Variants in PTPRD observed in about 807,000 individuals in gnomAD.
PTPRD encodes receptor-type tyrosine-protein phosphatase delta.
Under a neutral mutation model 214.5 loss-of-function variants are expected in PTPRD, and 34 were observed. That is an observed-to-expected ratio of 0.16 (90% CI 0.12 to 0.21). PTPRD has a LOEUF of 0.21. PTPRD is among the 10% of genes least tolerant of loss of function. The pLI is 1.00. For missense variants in PTPRD, 2,545 were observed against 2,398.7 expected (o/e 1.06, Z -1.27); for synonymous variants, 1,128 against 845.7 (o/e 1.33, Z -5.79).
intron 34 of PTPRD, chr9:8,437,159 A>C: frequency 7.0e-7 from 1 of 1,429,978 alleles, no homozygotes; most frequent in Non-Finnish European, 9.4e-7. Context: ...GCTTGATAGT[A>C]AACATAAAAT....
chr9:8,536,369 T>C (rs1215122476), intron 14 of PTPRD, among the ~76,000 whole-genome samples: 4 of 151,796 alleles, frequency 2.6e-5, no homozygotes, highest in South Asian at 4.2e-4. Flanking sequence ...ACTTTAAAAA[T>C]AGATCTACAT....
In PTPRD at chr9:10,238,031, C is replaced by CT. The variant is rs869253063; in HGVS notation, c.-545+102931dup. Among the ~76,000 whole-genome samples, 56 of 117,990 alleles carry CT rather than the reference C, an allele frequency of 4.7e-4. 1 individual carries two copies. In the Middle Eastern group the frequency reaches 0.013, roughly 28 times the overall value. The allele number at this position is 117,990 out of a possible 152,430, so 77.4% of individuals were successfully genotyped here. On this transcript the variant is annotated intron_variant, in intron 3 of 45. Transcript: ENST00000381196. Reference sequence around the variant, plus strand: ...AGCTACAGGGCCGAGTTCCCATTTGCTTTTTTTTTTAAAAATCCTTTCTCT... The same window carrying CT: ...AGCTACAGGGCCGAGTTCCCATTTGCTTTTTTTTTTTAAAAATCCTTTCTCT...
intron 3 of PTPRD, among the ~76,000 whole-genome samples, chr9:10,216,378 C>G (rs2099541038): frequency 6.6e-6 from 1 of 151,694 alleles, no homozygotes; most frequent in Non-Finnish European, 1.5e-5. Context: ...GGTGGGGGTT[C>G]ACTTTATTAT....
intron 5 of PTPRD, among the ~76,000 whole-genome samples, chr9:9,830,293 G>A (rs1283222342): frequency 6.6e-6 from 1 of 151,300 alleles, no homozygotes; most frequent in Non-Finnish European, 1.5e-5. Context: ...TATCTTCATG[G>A]CCACATCCCA....
chr9:8,491,856 A>C (rs2097157794), intron 27 of PTPRD, among the ~76,000 whole-genome samples: 1 of 152,146 alleles, frequency 6.6e-6, no homozygotes, highest in African/African-American at 2.4e-5. Flanking sequence ...ATGCCTTTAC[A>C]TAGAGGTATG....
At chr9:9,257,502 T>C (rs1312367288) in intron 9 of PTPRD, among the ~76,000 whole-genome samples, 1 of 151,926 alleles carries the variant, frequency 6.6e-6, no homozygotes, top group Non-Finnish European at 1.5e-5. Context: ...ATATGATATT[T>C]AAAAATTGGC....
intron 9 of PTPRD, among the ~76,000 whole-genome samples, chr9:9,231,053 C>T (rs1027406035): frequency 1.3e-5 from 2 of 150,746 alleles, no homozygotes; most frequent in African/African-American, 4.9e-5. Context: ...GTATGTCTGT[C>T]GGGGGGAGGG....
intron 11 of PTPRD, among the ~76,000 whole-genome samples, chr9:8,790,604 G>C (rs1163676954): frequency 1.3e-5 from 2 of 152,028 alleles, no homozygotes; most frequent in Non-Finnish European, 2.9e-5. Context: ...ACAATGCTTT[G>C]TACGTACTAG....
intron 2 of PTPRD, among the ~76,000 whole-genome samples, chr9:10,488,448 T>A (rs542600917): frequency 3.3e-5 from 5 of 150,564 alleles, no homozygotes; most frequent in Middle Eastern, 3.2e-3. Flanking sequence ...CCCACTGTAA[T>A]CATTCCCTGA....
chr9:9,805,459 C>A (rs959798606), intron 5 of PTPRD, among the ~76,000 whole-genome samples: 17 of 152,130 alleles, frequency 1.1e-4, no homozygotes, highest in African/African-American at 4.1e-4. Context: ...CCTAGATCAA[C>A]TCTGTACCAG....
intron 11 of PTPRD, among the ~76,000 whole-genome samples, chr9:8,827,307 G>GA (rs34602324): frequency 0.57 from 87,110 of 151,826 alleles, 25,892 homozygotes; most frequent in African/African-American, 0.73. Flanking sequence ...ATTTGTTATT[G>GA]AAAAAATTTT....
At chr9:8,887,127 A>G (rs895300625) in intron 11 of PTPRD, among the ~76,000 whole-genome samples, 9 of 152,182 alleles carry the variant, frequency 5.9e-5, no homozygotes, top group African/African-American at 1.9e-4. Context: ...CCAAGGCCAC[A>G]TCATCTAGTA....
intron 5 of PTPRD, among the ~76,000 whole-genome samples, chr9:9,780,502 G>A (rs2098834677): frequency 6.6e-6 from 1 of 152,136 alleles, no homozygotes; most frequent in Non-Finnish European, 1.5e-5. Flanking sequence ...CATATGAAAA[G>A]ATGCTGATCA....
intron 10 of PTPRD, among the ~76,000 whole-genome samples, chr9:9,094,189 G>A (rs1007918417): frequency 6.6e-6 from 1 of 152,072 alleles, no homozygotes; most frequent in Non-Finnish European, 1.5e-5. Context: ...CAAAGAAAAC[G>A]TTAGAAAGTC....
At chr9:9,453,986 A>G (rs374414955) in intron 8 of PTPRD, among the ~76,000 whole-genome samples, 1 of 151,750 alleles carries the variant, frequency 6.6e-6, no homozygotes, top group African/African-American at 2.4e-5. Flanking sequence ...TCATATTTCC[A>G]TGTCATCCTC....
chr9:9,208,892 C>A (rs920421792), intron 9 of PTPRD, among the ~76,000 whole-genome samples: 1 of 151,856 alleles, frequency 6.6e-6, no homozygotes, highest in Non-Finnish European at 1.5e-5. Context: ...ACTGCAAGCT[C>A]CACTTCCCGG....
intron 5 of PTPRD, among the ~76,000 whole-genome samples, chr9:9,936,491 C>T (rs2089467262): frequency 6.7e-6 from 1 of 149,444 alleles, no homozygotes; most frequent in African/African-American, 2.5e-5. Context: ...CCATCACTGG[C>T]CATCAGAGAA....
At chr9:8,478,620 A>C (rs2096816496) in intron 30 of PTPRD, among the ~76,000 whole-genome samples, 1 of 152,200 alleles carries the variant, frequency 6.6e-6, no homozygotes, top group Non-Finnish European at 1.5e-5. Flanking sequence ...CAACAGTAGC[A>C]CTGCTAGATC....
intron 14 of PTPRD, among the ~76,000 whole-genome samples, chr9:8,544,238 C>T (rs571567438): frequency 5.7e-5 from 8 of 139,224 alleles, no homozygotes; most frequent in East Asian, 4.2e-4. Flanking sequence ...GCCATCTTGG[C>T]TCACTGCAAC....
Sources: gnomAD v4.1 joint callset for allele counts (sites outside exome capture counted in the v4.1 genomes callset) on GRCh38, gnomAD v4.1.1 for gene constraint, MANE v1.5 for transcripts, NCBI Gene and HGNC (gene_info 2026-07-23, HGNC 2026-07-21) for gene names.